PAX6: variants seen among roughly 807,000 people sequenced by gnomAD.
PAX6 encodes paired box 6, also known as paired box protein Pax-6.
A neutral mutation model predicts 60.7 loss-of-function variants in PAX6; 7 were observed. That is an observed-to-expected ratio of 0.12 (90% CI 0.07 to 0.22). PAX6 has a LOEUF of 0.22. PAX6 is among the 10% of genes least tolerant of loss of function. The pLI is 1.00. For synonymous variants in PAX6, 208 were observed against 201.2 expected, an observed-to-expected ratio of 1.03 and a Z score of -0.29; for missense variants, 355 against 555.2, an observed-to-expected ratio of 0.64 and a Z score of 3.62.
intron 8 of PAX6, among the ~76,000 whole-genome samples, chr11:31,797,231 T>C (rs1951866873): frequency 2.0e-5 from 3 of 152,166 alleles, no homozygotes; most frequent in Admixed American, 2.0e-4. Context: ...TCGGTCCCTT[T>C]TCTGGCACAT....
Position 31,789,188 on chromosome 11 carries a change from T to G in PAX6, c.*746A>C, listed in dbSNP as rs1235684278. The G allele has an allele frequency of 4.8e-6, 1 of 206,768 alleles. No individual in the cohort carries two copies. Among genetic ancestry groups the G allele is most frequent in the Non-Finnish European group, 9.9e-6 (1 of 101,294 alleles). The allele number at this position is 206,768 out of a possible 1,614,324, so 12.8% of individuals were successfully genotyped here. A position where few individuals can be genotyped will look rare whatever the true frequency, so the allele number is the denominator to read the frequency against. ...TGAAAATGTGTATAAAACATCTATA[T>G]TCTTGTCAAATATAAATGAAATTAA... On this transcript the variant is annotated 3_prime_UTR_variant, in exon 14 of 14. Transcript: ENST00000640368.
chr11:31,806,189 A>T, intron 4 of PAX6: 1 of 529,024 alleles, frequency 1.9e-6, no homozygotes, highest in South Asian at 2.8e-5. Flanking sequence ...TTAAGGGCCC[A>T]GCCCCTGCTT....
At chr11:31,792,105 C>T (rs888907477) in intron 12 of PAX6, 2 of 152,198 alleles carry the variant, frequency 1.3e-5, no homozygotes, top group African/African-American at 2.4e-5. Flanking sequence ...TGAAACTGAA[C>T]GAGACACTCT....
intron 2 of PAX6, chr11:31,807,619 AC>A (rs1956139967): frequency 6.6e-6 from 1 of 152,206 alleles, no homozygotes; most frequent in Non-Finnish European, 1.5e-5. Context: ...GTACTGTGAC[AC>A]ACCCTGTCTA....
In PAX6 at chr11:31,810,999, G is replaced by C. The variant is rs1956956399; in HGVS notation, c.-300C>G. 2.5e-6 allele frequency: 1 copy of C among 399,336 alleles called. No individual in the cohort carries two copies. 24.7% of individuals were successfully genotyped at this position (399,336 alleles called of 1,614,324 possible). On this transcript the variant is annotated 5_prime_UTR_variant, in exon 2 of 14. Transcript: ENST00000640368. ...CGGATGTTGCTGGGTTGGTGTGTGA[G>C]AGCAATTCTCAGATTCCTGGGAAGG...
intron 2 of PAX6, chr11:31,808,183 G>A (rs1956290970): frequency 6.6e-6 from 1 of 152,052 alleles, no homozygotes; most frequent in South Asian, 2.1e-4. Context: ...TTTACCTATG[G>A]TGATTATTGA....
intron 1 of PAX6, chr11:31,816,651 G>A (rs1192100578): frequency 7.1e-6 from 5 of 701,852 alleles, no homozygotes; most frequent in Non-Finnish European, 1.3e-5. Context: ...TAAGGCGTGC[G>A]GCCGGACTGC....
intron 8 of PAX6, among the ~76,000 whole-genome samples, chr11:31,797,504 C>CT (rs1234251183): frequency 1.6e-5 from 1 of 64,088 alleles, no homozygotes; most frequent in African/African-American, 6.7e-5. Context: ...AATTTTAAAT[C>CT]TGGAAAAAAA....
At position 31,806,666 on chromosome 11, in the gene PAX6, T is replaced by C. The variant is rs539847240; in HGVS notation, c.-52+183A>G. On this transcript the variant is annotated intron_variant, in intron 3 of 13. Coordinates refer to ENST00000640368, the MANE Select transcript of PAX6 (RefSeq NM_001368894.2). Reference sequence around the variant, plus strand: ...CTACCCTTTGGGGCTTGAAACAAAGTACTGGAATATCCCCAATCTGTTTCC... The same window carrying C: ...CTACCCTTTGGGGCTTGAAACAAAGCACTGGAATATCCCCAATCTGTTTCC... 5 of 556,392 alleles carry C rather than the reference T, an allele frequency of 9.0e-6. 1 individual carries two copies. In the South Asian group the frequency reaches 9.9e-5, roughly 11 times the overall value. 34.5% of individuals were successfully genotyped at this position (556,392 alleles called of 1,614,324 possible). A position where few individuals can be genotyped will look rare whatever the true frequency, so the allele number is the denominator to read the frequency against.
chr11:31,799,353 C>T (rs1017344281), intron 8 of PAX6, among the ~76,000 whole-genome samples: 10 of 152,044 alleles, frequency 6.6e-5, no homozygotes, highest in African/African-American at 2.2e-4. Flanking sequence ...GCCGAGCGGC[C>T]GCGCTGGGAA....
At chr11:31,816,579 C>T (rs1324267390) in intron 1 of PAX6, 4 of 702,512 alleles carry the variant, frequency 5.7e-6, no homozygotes, top group African/African-American at 3.5e-5. Context: ...GCGAAGCAGG[C>T]GACCTGCTCG....
At chr11:31,790,114 A>C (rs1431533208) in intron 13 of PAX6, 95 bp from the exon 14 acceptor site, 6 of 792,882 alleles carry the variant, frequency 7.6e-6, no homozygotes, top group South Asian at 1.6e-5. Context: ...AAAAAAAAAA[A>C]AAAAAACTAA....
At chr11:31,800,990 T>C (rs984893311) in intron 7 of PAX6, 134 bp from the exon 8 acceptor site, 2 of 941,182 alleles carry the variant, frequency 2.1e-6, no homozygotes, top group Non-Finnish European at 3.3e-6. Context: ...GGACAGTGGG[T>C]GGATTTGCAG....
At chr11:31,812,298 CTCTCTGTGTGTG>C (rs1957126472), upstream of PAX6, 3 of 104,556 alleles carry the variant, frequency 2.9e-5, 1 homozygote, top group South Asian at 1.1e-3. Context: ...TTCTCTCTCT[CTCTCTGTGTGTG>C]TGTGTGTGTG....
chr11:31,789,458 G>C lies in PAX6; in HGVS notation c.*476C>G, dbSNP rs534503925. ...GTTCCAGGTTTAATTATATGCAAAG[G>C]AATGATACAAACTTGGAACATCAGT... On this transcript the variant is annotated 3_prime_UTR_variant, in exon 14 of 14. Transcript: ENST00000640368. 2.1e-6 allele frequency: 1 copy of C among 467,740 alleles called. No individual in the cohort carries two copies. The highest frequency in any genetic ancestry group is 4.1e-5 in the South Asian group (1 of 24,558). 29.0% of individuals were successfully genotyped at this position (467,740 alleles called of 1,614,324 possible). A position where few individuals can be genotyped will look rare whatever the true frequency, so the allele number is the denominator to read the frequency against.
chr11:31,802,577 C>T (rs1490595724), intron 5 of PAX6, 127 bp downstream of exon 5: 22 of 816,950 alleles, frequency 2.7e-5, no homozygotes, highest in Non-Finnish European at 3.5e-5. Context: ...GGTGGGGGGA[C>T]TGGGGACTGG....
intron 9 of PAX6, chr11:31,794,318 T>C: frequency 1.5e-6 from 1 of 645,300 alleles, no homozygotes; most frequent in Non-Finnish European, 2.8e-6. Flanking sequence ...TTCAGTGACC[T>C]TTCTGTGGCC....
At chr11:31,806,316 G>T in intron 4 of PAX6, 86 bp downstream of exon 4, 1 of 1,485,526 alleles carries the variant, frequency 6.7e-7, no homozygotes, top group Non-Finnish European at 9.2e-7. Flanking sequence ...GGGCCAGCGC[G>T]GGCGTCGCGA....
chr11:31,800,220 C>T (rs188977660), intron 8 of PAX6, among the ~76,000 whole-genome samples: 103 of 152,216 alleles, frequency 6.8e-4, no homozygotes, highest in African/African-American at 2.5e-3. Flanking sequence ...CCGACTCGCC[C>T]TGCATCTCCC....
Sources: gnomAD v4.1 joint callset for allele counts (sites outside exome capture counted in the v4.1 genomes callset) on GRCh38, gnomAD v4.1.1 for gene constraint, MANE v1.5 for transcripts, NCBI Gene and HGNC (gene_info 2026-07-23, HGNC 2026-07-21) for gene names.